The following CADPS variants were observed in gnomAD, a reference collection of about 807,000 sequenced individuals.
CADPS encodes calcium dependent secretion activator, also known as calcium-dependent secretion activator 1.
Under a neutral mutation model 167.3 loss-of-function variants are expected in CADPS, and 57 were observed. The observed-to-expected ratio is 0.34, with a 90% CI of 0.28 to 0.42. The LOEUF is 0.42. Ranked by LOEUF, CADPS falls within the 20% of genes least tolerant of loss-of-function variation. The probability of loss-of-function intolerance (pLI) is 1.00; values close to 1 mark genes in which losing one functional copy is unlikely to be tolerated. For missense variants in CADPS, 1,414 were observed against 1,738.1 expected, an observed-to-expected ratio of 0.81 and a Z score of 3.32; for synonymous variants, 676 against 635.3, an observed-to-expected ratio of 1.06 and a Z score of -0.96.
intron 8 of CADPS, among the ~76,000 whole-genome samples, chr3:62,573,499 A>T (rs917892053): frequency 1.3e-5 from 2 of 152,210 alleles, no homozygotes; most frequent in African/African-American, 4.8e-5. Flanking sequence ...AAAGTCCAGC[A>T]TCTTGACCTA....
At chr3:62,670,964 T>A (rs971195152) in intron 3 of CADPS, among the ~76,000 whole-genome samples, 1 of 152,166 alleles carries the variant, frequency 6.6e-6, no homozygotes, top group Non-Finnish European at 1.5e-5. Flanking sequence ...AGAGCAGTCA[T>A]AGCGCATGGT....
chr3:62,489,621 T>C (rs1214059030), intron 21 of CADPS, among the ~76,000 whole-genome samples: 1 of 152,212 alleles, frequency 6.6e-6, no homozygotes, highest in Non-Finnish European at 1.5e-5. Flanking sequence ...GACTTCTGGC[T>C]AGTAAATGGG....
At chr3:62,541,142 G>T (rs147085661) in intron 11 of CADPS, among the ~76,000 whole-genome samples, 1 of 152,060 alleles carries the variant, frequency 6.6e-6, no homozygotes, top group Non-Finnish European at 1.5e-5. Context: ...TTCATTAACC[G>T]TATTTTTCTA....
chr3:62,874,636 G>A lies in CADPS; in HGVS notation c.394C>T (p.Pro132Ser). Residue 132 changes from proline (P) to serine (S), a missense_variant, in exon 1 of 30, where the codon CCC becomes TCC. Pro to Ser is a moderately conservative substitution (Grantham distance 74, BLOSUM62 -1). Around this residue, in one of 6 missense-constraint regions of CADPS, gnomAD observed 522 missense variants for 559.5 expected, o/e 0.93. Coordinates refer to ENST00000383710, the MANE Select transcript of CADPS (RefSeq NM_003716.4). The surrounding 1 kb of genome is among the most constrained non-coding windows in gnomAD (Gnocchi z 7.1). Reference protein sequence around the residue: ...YVFVMRCIAYPFNAKQPTDMA... With the variant: ...YVFVMRCIAYSFNAKQPTDMA... Reference sequence around the variant, plus strand: ...TCGGTGGGCTGCTTGGCATTAAAGGGGTAGGCGATGCAGCGCATCACGAAC... The same window carrying A: ...TCGGTGGGCTGCTTGGCATTAAAGGAGTAGGCGATGCAGCGCATCACGAAC... The A allele has an allele frequency of 6.4e-7, 1 of 1,560,544 alleles. No homozygotes were observed. The highest frequency in any genetic ancestry group is 8.7e-7 in the Non-Finnish European group (1 of 1,151,608).
intron 11 of CADPS, 67 bp from the exon 12 acceptor site, chr3:62,536,648 C>A: frequency 1.3e-6 from 2 of 1,498,668 alleles, no homozygotes; most frequent in South Asian, 1.2e-5. Context: ...TTTGACATTT[C>A]AAATACACAG....
At chr3:62,605,155 G>C (rs944175376) in intron 6 of CADPS, among the ~76,000 whole-genome samples, 1 of 152,122 alleles carries the variant, frequency 6.6e-6, no homozygotes, top group East Asian at 1.9e-4. Context: ...AAAAGCCACT[G>C]ACAGGCTTGG....
chr3:62,542,295 A>G (rs199793368), intron 11 of CADPS, among the ~76,000 whole-genome samples: 2 of 152,152 alleles, frequency 1.3e-5, no homozygotes, highest in East Asian at 3.9e-4. Context: ...CCAAACTGCA[A>G]ATTAAAAGGT....
chr3:62,600,178 A>T (rs2059755064), intron 6 of CADPS, among the ~76,000 whole-genome samples: 1 of 148,908 alleles, frequency 6.7e-6, no homozygotes, highest in South Asian at 2.1e-4. Context: ...TGAGCAGACA[A>T]ACTCTCTGAA....
intron 1 of CADPS, among the ~76,000 whole-genome samples, chr3:62,801,852 T>A (rs1351511551): frequency 6.6e-6 from 1 of 152,194 alleles, no homozygotes; most frequent in African/African-American, 2.4e-5. Context: ...GACCTCAAAA[T>A]GTATGTTCTT....
At chr3:62,533,941 A>G (rs1271858858) in intron 12 of CADPS, among the ~76,000 whole-genome samples, 2 of 152,298 alleles carry the variant, frequency 1.3e-5, no homozygotes, top group East Asian at 1.9e-4. Flanking sequence ...GGACCAGTCC[A>G]AACTCTGCTA....
chr3:62,656,645 C>T (rs536240228), intron 4 of CADPS, among the ~76,000 whole-genome samples: 96 of 152,254 alleles, frequency 6.3e-4, no homozygotes, highest in Non-Finnish European at 1.3e-3. Context: ...GGCCATTCCA[C>T]CATTACCCAG....
At chr3:62,436,344 C>T (rs1223190382) in intron 28 of CADPS, among the ~76,000 whole-genome samples, 1 of 152,002 alleles carries the variant, frequency 6.6e-6, no homozygotes, top group Non-Finnish European at 1.5e-5. Context: ...ACACGGGCCA[C>T]ATAAAACTGA....
chr3:62,698,327 T>C (rs926152600), intron 3 of CADPS, among the ~76,000 whole-genome samples: 1 of 152,146 alleles, frequency 6.6e-6, no homozygotes, highest in Non-Finnish European at 1.5e-5. Context: ...GACTTGCACT[T>C]GTCTCTTTGC....
intron 1 of CADPS, among the ~76,000 whole-genome samples, chr3:62,794,768 C>A (rs557037048): frequency 1.0e-5 from 1 of 99,774 alleles, no homozygotes; most frequent in Non-Finnish European, 1.8e-5. Context: ...ACAAGACAGA[C>A]GCAAGGTGGT....
intron 26 of CADPS, among the ~76,000 whole-genome samples, chr3:62,463,060 C>T (rs1486105632): frequency 6.6e-6 from 1 of 152,152 alleles, no homozygotes; most frequent in Non-Finnish European, 1.5e-5. Flanking sequence ...CATTACACTG[C>T]CTTTGCTAGG....
At chr3:62,641,454 C>T (rs2067397430) in intron 6 of CADPS, among the ~76,000 whole-genome samples, 2 of 152,096 alleles carry the variant, frequency 1.3e-5, no homozygotes, top group South Asian at 4.2e-4. Flanking sequence ...AATATATCAC[C>T]TTAGAGCAAG....
chr3:62,696,580 TC>T (rs1282401378), intron 3 of CADPS, among the ~76,000 whole-genome samples: 23 of 152,040 alleles, frequency 1.5e-4, no homozygotes. Context: ...TCCAACCTAT[TC>T]CCTTTGTTTC....
At chr3:62,531,462 T>C (rs1410448738) in intron 13 of CADPS, among the ~76,000 whole-genome samples, 2 of 152,222 alleles carry the variant, frequency 1.3e-5, no homozygotes, top group Non-Finnish European at 2.9e-5. Flanking sequence ...ATGCTATTGT[T>C]ATCTAGCTCT....
chr3:62,599,514 T>C (rs1287897367), intron 6 of CADPS, among the ~76,000 whole-genome samples: 1 of 106,654 alleles, frequency 9.4e-6, no homozygotes, highest in Non-Finnish European at 1.7e-5. Context: ...ATATATTATA[T>C]ATATATTACA....
Sources: allele counts gnomAD v4.1 joint callset (sites outside exome capture counted in the v4.1 genomes callset), GRCh38; gene constraint gnomAD v4.1.1; regional missense constraint gnomAD v4.1.1; non-coding constraint Gnocchi (gnomAD v3.1); transcripts MANE v1.5; gene names NCBI Gene and HGNC (gene_info 2026-07-23, HGNC 2026-07-21).